The following P3H2 variants were observed in gnomAD, a reference collection of about 807,000 sequenced individuals.
The protein encoded by P3H2 is leprecan-like 1.
Under a neutral mutation model 87.0 loss-of-function variants are expected in P3H2, and 80 were observed. The ratio of observed to expected loss-of-function variants is 0.92; its 90% CI spans 0.77 to 1.11. The LOEUF (loss-of-function observed/expected upper bound fraction) is 1.11. P3H2 is among the 50% of genes least tolerant of loss of function. The pLI is 0.00. For synonymous variants in P3H2, 367 were observed against 359.3 expected, an observed-to-expected ratio of 1.02 and a Z score of -0.24; for missense variants, 1,001 against 923.9, an observed-to-expected ratio of 1.08 and a Z score of -1.08.
intron 8 of P3H2, among the ~76,000 whole-genome samples, chr3:189,979,832 G>C (rs1435183491): frequency 6.6e-6 from 1 of 151,986 alleles, no homozygotes; most frequent in Non-Finnish European, 1.5e-5. Flanking sequence ...GCCTGGCATG[G>C]TGGCATGCAC....
Position 190,067,168 on chromosome 3 carries a change from T to C in P3H2, c.480+53084A>G, listed in dbSNP as rs73186411. On this transcript the variant is annotated intron_variant, in intron 1 of 14. Coordinates refer to ENST00000319332, the MANE Select transcript of P3H2 (RefSeq NM_018192.4). ...CCTTATTCTTACATTTACCTATTAT[T>C]TGTGTATTTTTGTAGATGTCTCTAC... 6.7e-3 allele frequency among the ~76,000 whole-genome samples: 1,019 copies of C among 152,094 alleles called. 6 individuals carry two copies. The highest frequency in any genetic ancestry group is 0.014 in the Middle Eastern group (4 of 294).
At chr3:190,110,297 G>C (rs185773958) in intron 1 of P3H2, among the ~76,000 whole-genome samples, 107 of 152,254 alleles carry the variant, frequency 7.0e-4, no homozygotes, top group African/African-American at 2.5e-3. Flanking sequence ...TGATATAACA[G>C]GTAAAGGCCA....
chr3:190,055,284 G>C (rs1168933300), intron 1 of P3H2, among the ~76,000 whole-genome samples: 1 of 151,594 alleles, frequency 6.6e-6, no homozygotes, highest in Non-Finnish European at 1.5e-5. Flanking sequence ...GTGTTCGTTT[G>C]GATAAAACTT....
At position 190,075,096 on chromosome 3, in the gene P3H2, G is replaced by T. The variant is rs551133846; in HGVS notation, c.480+45156C>A. 2.8e-3 allele frequency among the ~76,000 whole-genome samples: 423 copies of T among 152,272 alleles called. 5 individuals carry two copies. The highest frequency in any genetic ancestry group is 9.7e-3 in the African/African-American group (404 of 41,548). Reference sequence around the variant, plus strand: ...GAGTGATGCTATGGCCAATACAGAGGCAAAACTGACAGAGATCCTGTTCTC... The same window carrying T: ...GAGTGATGCTATGGCCAATACAGAGTCAAAACTGACAGAGATCCTGTTCTC... On this transcript the variant is annotated intron_variant, in intron 1 of 14. Transcript: ENST00000319332.
rs1288877672 is a variant in P3H2 at position 189,956,961 on chromosome 3, C to CTTGT, written c.*950_*951insACAA. On this transcript the variant is annotated 3_prime_UTR_variant, in exon 15 of 15. Coordinates refer to ENST00000319332, the MANE Select transcript of P3H2 (RefSeq NM_018192.4). ...AGTATTCAAGAGTTTCTTCCAAAGT[C>CTTGT]ACCAGGGTGAAAAGCCATTCTACTA... 2 of 396,592 alleles carry CTTGT rather than the reference C, an allele frequency of 5.0e-6. No individual in the cohort carries two copies. Among genetic ancestry groups the CTTGT allele is most frequent in the East Asian group, 7.1e-5 (2 of 28,012 alleles). The allele number at this position is 396,592 out of a possible 1,614,324, so 24.6% of individuals were successfully genotyped here.
At chr3:190,023,673 C>T (rs1725001562) in intron 1 of P3H2, among the ~76,000 whole-genome samples, 1 of 152,104 alleles carries the variant, frequency 6.6e-6, no homozygotes, top group Non-Finnish European at 1.5e-5. Context: ...TGGGTGGGGA[C>T]ACAAAACCTA....
At chr3:190,058,558 G>C (rs1333021795) in intron 1 of P3H2, among the ~76,000 whole-genome samples, 1 of 152,148 alleles carries the variant, frequency 6.6e-6, no homozygotes, top group East Asian at 1.9e-4. Flanking sequence ...AGATGTCCAG[G>C]AATGGAAAGG....
Position 190,120,447 on chromosome 3 carries a change from C to A in P3H2, c.285G>T (p.Pro95=), listed in dbSNP as rs748519329. Residue 95 remains proline (P), a synonymous_variant, in exon 1 of 15, where the codon CCG becomes CCT. Transcript: ENST00000319332. The part of the protein sequence containing the change: ...ARHCAARHPL[P]PPPPGEGPGA... ...CGGGGCCCTCGCCGGGGGGCGGGGG[C>A]GGGAGCGGGTGGCGCGCCGCGCAGT... The A allele has an allele frequency of 1.1e-5, 16 of 1,423,054 alleles. No homozygotes were observed. In the Admixed American group the frequency reaches 4.5e-4, roughly 40 times the overall value. The allele number at this position is 1,423,054 out of a possible 1,614,324, so 88.2% of individuals were successfully genotyped here.
chr3:190,068,641 G>T (rs1577307155), intron 1 of P3H2, among the ~76,000 whole-genome samples: 1 of 152,048 alleles, frequency 6.6e-6, no homozygotes, highest in African/African-American at 2.4e-5. Flanking sequence ...ACTACTGCTT[G>T]CTCAGTTCAT....
Position 189,969,546 on chromosome 3 carries a change from C to T in P3H2, c.1893+1270G>A, listed in dbSNP as rs781242270. The T allele has an allele frequency of 4.8e-6, 6 of 1,246,394 alleles. No homozygotes were observed. The Admixed American group carries it at 6.7e-5, about 14-fold the overall frequency. The allele number at this position is 1,246,394 out of a possible 1,614,324, so 77.2% of individuals were successfully genotyped here. On this transcript the variant is annotated intron_variant, in intron 13 of 14. Coordinates refer to ENST00000319332, the MANE Select transcript of P3H2 (RefSeq NM_018192.4). Reference sequence around the variant, plus strand: ...ATGAACTGATCAATAATGACAATATCGCCAGGTTGAATCTCCTCCCTCAAG... The same window carrying T: ...ATGAACTGATCAATAATGACAATATTGCCAGGTTGAATCTCCTCCCTCAAG...
chr3:190,043,215 T>C (rs186646970), intron 1 of P3H2, among the ~76,000 whole-genome samples: 1 of 152,320 alleles, frequency 6.6e-6, no homozygotes, highest in South Asian at 2.1e-4. Flanking sequence ...TTCCTAATTA[T>C]AGTAAGATCT....
intron 1 of P3H2, among the ~76,000 whole-genome samples, chr3:190,032,200 T>C (rs1441406022): frequency 6.6e-6 from 1 of 152,222 alleles, no homozygotes; most frequent in East Asian, 1.9e-4. Context: ...CCAGAAATGT[T>C]TATGGTAGCA....
chr3:190,007,435 T>A (rs1159684671), intron 1 of P3H2, among the ~76,000 whole-genome samples: 1 of 152,146 alleles, frequency 6.6e-6, no homozygotes, highest in Non-Finnish European at 1.5e-5. Flanking sequence ...TTTGAGCTAG[T>A]TTGTGTTTGA....
chr3:190,106,328 T>G (rs1577326776), intron 1 of P3H2, among the ~76,000 whole-genome samples: 1 of 152,152 alleles, frequency 6.6e-6, no homozygotes, highest in African/African-American at 2.4e-5. Flanking sequence ...GAGAGGCAGG[T>G]AAGTCTGTGC....
Position 190,058,761 on chromosome 3 carries a change from G to T in P3H2, c.480+61491C>A, listed in dbSNP as rs57936900. On this transcript the variant is annotated intron_variant, in intron 1 of 14. Coordinates refer to ENST00000319332, the MANE Select transcript of P3H2 (RefSeq NM_018192.4). ...GCTGTTATTTTAACCCTGCGCAAAAGGTCACAGTGTTCTGTCCCTGATAAT... is the reference window on the plus strand; with the variant it reads ...GCTGTTATTTTAACCCTGCGCAAAATGTCACAGTGTTCTGTCCCTGATAAT... 2.0e-5 allele frequency among the ~76,000 whole-genome samples: 3 copies of T among 152,216 alleles called. No individual in the cohort carries two copies. In the East Asian group the frequency reaches 5.8e-4, roughly 29 times the overall value.
At chr3:190,104,360 C>T (rs536411358) in intron 1 of P3H2, among the ~76,000 whole-genome samples, 11 of 152,148 alleles carry the variant, frequency 7.2e-5, no homozygotes, top group Non-Finnish European at 1.3e-4. Flanking sequence ...ACCCACTCCC[C>T]TCCACTCCAG....
chr3:190,005,237 CA>C (rs1279151334), intron 1 of P3H2, among the ~76,000 whole-genome samples: 2 of 152,114 alleles, frequency 1.3e-5, no homozygotes, highest in African/African-American at 4.8e-5. Flanking sequence ...TGTGAAATGA[CA>C]AAGCCTCAGA....
In P3H2 at chr3:189,957,089, C is replaced by A. The variant is rs967164258; in HGVS notation, c.*823G>T. Reference sequence around the variant, plus strand: ...CTTCCAGTGTAAGTTTATTGTCTGGCGAAAACACCAGAGCCAAAAATTCCA... The same window carrying A: ...CTTCCAGTGTAAGTTTATTGTCTGGAGAAAACACCAGAGCCAAAAATTCCA... On this transcript the variant is annotated 3_prime_UTR_variant, in exon 15 of 15. Transcript: ENST00000319332. The A allele has an allele frequency of 5.0e-6, 2 of 398,388 alleles. No homozygotes were observed. The highest frequency in any genetic ancestry group is 8.8e-6 in the Non-Finnish European group (2 of 226,098). 24.7% of individuals were successfully genotyped at this position (398,388 alleles called of 1,614,324 possible). A position where few individuals can be genotyped will look rare whatever the true frequency, so the allele number is the denominator to read the frequency against.
At chr3:190,039,066 G>A (rs546557774) in intron 1 of P3H2, among the ~76,000 whole-genome samples, 6 of 152,096 alleles carry the variant, frequency 3.9e-5, no homozygotes, top group Non-Finnish European at 7.3e-5. Context: ...GCATATGCCT[G>A]TAATCCCAGC....
Sources: gnomAD v4.1 joint callset for allele counts (sites outside exome capture counted in the v4.1 genomes callset) on GRCh38, gnomAD v4.1.1 for gene constraint, MANE v1.5 for transcripts, NCBI Gene and HGNC (gene_info 2026-07-23, HGNC 2026-07-21) for gene names.